The following STARD13 variants were observed in gnomAD, a reference collection of about 807,000 sequenced individuals.
STARD13 encodes the protein StAR related lipid transfer domain containing 13, also known as stAR-related lipid transfer protein 13.
In STARD13, 62 loss-of-function variants were observed where a neutral mutation model predicts 106.4. That is an observed-to-expected ratio of 0.58 (90% CI 0.48 to 0.72). STARD13 has a LOEUF of 0.72. STARD13 is among the 30% of genes least tolerant of loss of function. The probability of loss-of-function intolerance (pLI) is 0.00; values close to 1 mark genes in which losing one functional copy is unlikely to be tolerated. For missense variants in STARD13, 1,387 were observed against 1,424.0 expected, an observed-to-expected ratio of 0.97 and a Z score of 0.42; for synonymous variants, 565 against 553.0, an observed-to-expected ratio of 1.02 and a Z score of -0.31.
At chr13:33,332,028 A>C (rs921737455) in intron 1 of STARD13, among the ~76,000 whole-genome samples, 1 of 152,124 alleles carries the variant, frequency 6.6e-6, no homozygotes, top group African/African-American at 2.4e-5. Context: ...TCCACATTTT[A>C]CATCATAAAC....
At chr13:33,589,748 T>C in the STARD13 span, among the ~76,000 whole-genome samples, 2 of 152,314 alleles carry the variant, frequency 1.3e-5, no homozygotes, top group East Asian at 1.9e-4. Context: ...ATAAGTGCGA[T>C]GTGGTGCTGA....
At chr13:33,233,878 C>G in intron 1 of STARD13, among the ~76,000 whole-genome samples, 1 of 152,272 alleles carries the variant, frequency 6.6e-6, no homozygotes, top group East Asian at 2.0e-4. Context: ...GCAGCCGGAG[C>G]AGCCAGCCGG....
At chr13:33,320,320 T>G (rs922212825) in intron 1 of STARD13, among the ~76,000 whole-genome samples, 1 of 152,188 alleles carries the variant, frequency 6.6e-6, no homozygotes, top group Non-Finnish European at 1.5e-5. Context: ...CTTTTCTTCC[T>G]TCCCAGAGAC....
chr13:33,665,852 G>A, the STARD13 span, among the ~76,000 whole-genome samples: 1 of 152,104 alleles, frequency 6.6e-6, no homozygotes, highest in Non-Finnish European at 1.5e-5. Flanking sequence ...GGTCTCCTCG[G>A]TGCCATAACT....
chr13:33,465,198 C>CT, the STARD13 span, among the ~76,000 whole-genome samples: 3 of 140,218 alleles, frequency 2.1e-5, no homozygotes, highest in African/African-American at 8.3e-5. Flanking sequence ...AATTGGTCTT[C>CT]TTCTTTTTTT....
At chr13:33,350,229 C>T in intron 1 of STARD13, 1 of 1,462,654 alleles carries the variant, frequency 6.8e-7, no homozygotes, top group Non-Finnish European at 9.0e-7. Context: ...CGGGCCCGGG[C>T]GGGCTACGGG....
the STARD13 span, among the ~76,000 whole-genome samples, chr13:33,403,827 A>G: frequency 6.6e-6 from 1 of 152,190 alleles, no homozygotes; most frequent in African/African-American, 2.4e-5. Context: ...ATATTCCACA[A>G]TGGCAATCAA....
the STARD13 span, among the ~76,000 whole-genome samples, chr13:33,669,991 T>C: frequency 6.6e-6 from 1 of 152,222 alleles, no homozygotes; most frequent in Non-Finnish European, 1.5e-5. Context: ...ACCTTCTCCA[T>C]ATTTACCCAC....
the STARD13 span, among the ~76,000 whole-genome samples, chr13:33,506,188 A>G: frequency 1.3e-5 from 2 of 152,168 alleles, no homozygotes; most frequent in African/African-American, 4.8e-5. Flanking sequence ...TATTTGTGTG[A>G]CAACATAAGA....
chr13:33,444,924 T>G, the STARD13 span, among the ~76,000 whole-genome samples: 1 of 152,362 alleles, frequency 6.6e-6, no homozygotes, highest in Admixed American at 6.5e-5. Context: ...CTTAGGTATT[T>G]ATTTTATGAT....
At chr13:33,300,097 A>G (rs1892653624) in intron 1 of STARD13, among the ~76,000 whole-genome samples, 1 of 152,218 alleles carries the variant, frequency 6.6e-6, no homozygotes, top group Non-Finnish European at 1.5e-5. Context: ...AACCAAAGTC[A>G]GGCTCTGTTA....
chr13:33,607,894 A>C, the STARD13 span, among the ~76,000 whole-genome samples: 1 of 152,290 alleles, frequency 6.6e-6, no homozygotes, highest in East Asian at 1.9e-4. Context: ...AAAGTAATGA[A>C]AATGTCCAAT....
intron 3 of STARD13, among the ~76,000 whole-genome samples, chr13:33,151,124 G>A (rs976673707): frequency 7.6e-6 from 1 of 132,300 alleles, no homozygotes; most frequent in South Asian, 2.7e-4. Flanking sequence ...TCTAGGCAAG[G>A]AGAATTACAG....
chr13:33,138,692 G>C, intron 4 of STARD13: 1 of 317,812 alleles, frequency 3.1e-6, no homozygotes, highest in Admixed American at 4.2e-5. Flanking sequence ...CGGGAGTGGA[G>C]AGCCCGAGCT....
chr13:33,661,050 TGTTA>T, the STARD13 span, among the ~76,000 whole-genome samples: 1 of 152,260 alleles, frequency 6.6e-6, no homozygotes, highest in Non-Finnish European at 1.5e-5. Context: ...AAATATTATT[TGTTA>T]TTTACCTGGA....
At chr13:33,359,128 T>C in the STARD13 span, among the ~76,000 whole-genome samples, 1 of 97,072 alleles carries the variant, frequency 1.0e-5, no homozygotes, top group African/African-American at 2.7e-5. Context: ...TCAGGTTGCC[T>C]TCCACACTGT....
At chr13:33,107,063 G>T in intron 12 of STARD13, 129 bp from the exon 13 acceptor site, 2 of 811,096 alleles carry the variant, frequency 2.5e-6, no homozygotes, top group East Asian at 5.2e-5. Flanking sequence ...CTAGTGACTT[G>T]GATTAAGCTA....
the STARD13 span, among the ~76,000 whole-genome samples, chr13:33,567,998 G>A: frequency 1.4e-5 from 2 of 146,568 alleles, no homozygotes; most frequent in Non-Finnish European, 3.0e-5. Context: ...AAAATGAAGA[G>A]ATTGTTTTTA....
At chr13:33,524,242 GT>G in the STARD13 span, 1 of 1,276,176 alleles carries the variant, frequency 7.8e-7, no homozygotes, top group Non-Finnish European at 1.0e-6. Flanking sequence ...ACTTACTTTA[GT>G]TTTTGGTTGA....
Sources: allele counts gnomAD v4.1 joint callset (sites outside exome capture counted in the v4.1 genomes callset), GRCh38; gene constraint gnomAD v4.1.1; transcripts MANE v1.5; gene names NCBI Gene and HGNC (gene_info 2026-07-23, HGNC 2026-07-21).